GSN: variants seen among roughly 807,000 people sequenced by gnomAD.
The protein encoded by GSN is actin-depolymerizing factor.
In GSN, 56 loss-of-function variants were observed where a neutral mutation model predicts 85.7. That is an observed-to-expected ratio of 0.65 (90% CI 0.53 to 0.82). The LOEUF is 0.82. GSN is among the 40% of genes least tolerant of loss of function. The pLI is 0.00. For missense variants in GSN, 857 were observed against 979.8 expected (o/e 0.87, Z 1.67); for synonymous variants, 373 against 399.1 (o/e 0.93, Z 0.78).
rs146671396 is a variant in GSN, at chr9:121,253,303, G to C, written c.-341+4980G>C. ...GTGAGTAATGTTGTCAGATTTGTCA[G>C]ACAACTGCCATCCAGATTGTCCCTA... On this transcript the variant is annotated intron_variant, in intron 6 of 24. Transcript: ENST00000373823. Among the ~76,000 whole-genome samples the C allele has an allele frequency of 7.2e-5, 11 of 152,286 alleles. No individual in the cohort carries two copies. The East Asian group carries it at 2.1e-3, about 29-fold the overall frequency.
chr9:121,322,778 T>G (rs2062639743), intron 11 of GSN, among the ~76,000 whole-genome samples: 2 of 152,216 alleles, frequency 1.3e-5, no homozygotes, highest in African/African-American at 4.8e-5. Flanking sequence ...TATTTTTAAC[T>G]TGTATTTCTC....
intron 3 of GSN, 59 bp downstream of exon 3, chr9:121,302,226 T>TG (rs1262517979): frequency 1.9e-6 from 3 of 1,573,598 alleles, no homozygotes; most frequent in Non-Finnish European, 2.6e-6. Context: ...TGCAGACCTT[T>TG]GGGGCATGGT....
At chr9:121,262,272 A>G (rs749463942) in intron 6 of GSN, among the ~76,000 whole-genome samples, 8 of 152,186 alleles carry the variant, frequency 5.3e-5, no homozygotes, top group Non-Finnish European at 1.2e-4. Context: ...GGCTTTGGAG[A>G]CAGACCTGGA....
Position 121,318,932 on chromosome 9 carries a change from C to T in GSN, c.1191+52C>T. On this transcript the variant is annotated intron_variant, in intron 10 of 17. Transcript: ENST00000432226. The surrounding 1 kb of genome is among the most constrained non-coding windows in gnomAD (Gnocchi z 4.3). ...GTCCAGGCCCCTCCCTCACTTTCCC[C>T]ATGCACTGCCTCTTGCTTCCCCAAG... 1 of 1,356,908 alleles carries T rather than the reference C, an allele frequency of 7.4e-7. No individual in the cohort carries two copies. Among genetic ancestry groups the T allele is most frequent in the Non-Finnish European group, 1.1e-6 (1 of 947,694 alleles). 84.1% of individuals were successfully genotyped at this position (1,356,908 alleles called of 1,614,324 possible).
Position 121,313,945 on chromosome 9 carries a change from C to T in GSN, c.675C>T (p.Pro225=), listed in dbSNP as rs1188934199. The T allele has an allele frequency of 6.2e-7, 1 of 1,613,988 alleles. No homozygotes were observed. Among genetic ancestry groups the T allele is most frequent in the South Asian group, 1.1e-5 (1 of 91,084 alleles). ...TCTATCTCCTACAGGTGCTGGGCCC[C>T]AAGCCGGCTCTGCCTGCAGGTACCG... ...EPEAMLQVLG[P]KPALPAGTED... The change falls in exon 7 of 18, where the codon CCC becomes CCT. Residue 225 remains proline, a synonymous_variant. Transcript: ENST00000432226.
At chr9:121,276,468 A>G (rs775008938) in intron 1 of GSN, among the ~76,000 whole-genome samples, 12 of 152,322 alleles carry the variant, frequency 7.9e-5, no homozygotes, top group Admixed American at 3.3e-4. Flanking sequence ...CAAAGGACCG[A>G]ATGACTTGGC....
chr9:121,311,273 T>C (rs2061108056), intron 5 of GSN: 2 of 270,236 alleles, frequency 7.4e-6, no homozygotes, highest in Non-Finnish European at 1.4e-5. Flanking sequence ...CCATGATCTA[T>C]GGCAATGTGT....
At chr9:121,244,647 T>C (rs1442619934) in intron 5 of GSN, among the ~76,000 whole-genome samples, 1 of 152,256 alleles carries the variant, frequency 6.6e-6, no homozygotes, top group African/African-American at 2.4e-5. Context: ...ACTGCAGCTC[T>C]ATTTGTAATA....
intron 5 of GSN, among the ~76,000 whole-genome samples, chr9:121,233,189 G>A (rs918557678): frequency 5.3e-5 from 8 of 152,206 alleles, no homozygotes; most frequent in South Asian, 4.1e-4. Flanking sequence ...AGGCAAGCCA[G>A]GCGCGGTGGC....
rs115756419 is a variant in GSN at position 121,282,404 on chromosome 9, C to T, written c.-10+842C>T. The T allele has an allele frequency of 8.0e-6, 8 of 1,006,156 alleles. No individual in the cohort carries two copies. The African/African-American group carries it at 9.8e-5, about 12-fold the overall frequency. The allele number at this position is 1,006,156 out of a possible 1,614,324, so 62.3% of individuals were successfully genotyped here. On this transcript the variant is annotated intron_variant, in intron 2 of 17. Coordinates refer to ENST00000432226, the MANE Select transcript of GSN (RefSeq NM_198252.3). ...ATTGTGCAAGAACCCAGGAAAACAC[C>T]CCTCCAACCCACGCCATCCCTTTTC...
intron 2 of GSN, chr9:121,209,509 C>T (rs1201014886): frequency 6.6e-6 from 1 of 152,182 alleles, no homozygotes; most frequent in African/African-American, 2.4e-5. Flanking sequence ...CCCAAACTGA[C>T]AAGTCAGAAA....
intron 8 of GSN, chr9:121,317,487 TGGC>T: frequency 4.3e-6 from 2 of 464,660 alleles, no homozygotes; most frequent in Non-Finnish European, 8.0e-6. Context: ...AGAGGCTAAT[TGGC>T]ATCCTGTAGA....
intron 1 of GSN, chr9:121,207,951 G>GTGTGTGTGTGTA (rs2053910990): frequency 1.3e-5 from 2 of 150,730 alleles, no homozygotes; most frequent in Non-Finnish European, 2.9e-5. Flanking sequence ...GTGTGTGTGT[G>GTGTGTGTGTGTA]TGTGTGTGTA....
At chr9:121,271,966 T>C (rs1276587245) in intron 1 of GSN, among the ~76,000 whole-genome samples, 5 of 152,384 alleles carry the variant, frequency 3.3e-5, no homozygotes, top group Admixed American at 2.6e-4. Flanking sequence ...TCCTGCTCCT[T>C]GGTTATTCCC....
chr9:121,297,421 C>G (rs1265806841), intron 2 of GSN, among the ~76,000 whole-genome samples: 1 of 152,120 alleles, frequency 6.6e-6, no homozygotes, highest in South Asian at 2.1e-4. Flanking sequence ...GAAAAGTTCC[C>G]TCATGCCAAC....
chr9:121,322,999 C>T lies in GSN; in HGVS notation c.1326-1555C>T, dbSNP rs2062680011. 4.6e-5 allele frequency among the ~76,000 whole-genome samples: 7 copies of T among 152,004 alleles called. No homozygotes were observed. In the South Asian group the frequency reaches 1.5e-3, roughly 32 times the overall value. ...TGCCACTACTCACCACCACACCCGG[C>T]TACTTTTTATACTTTAGTATGGATG... On this transcript the variant is annotated intron_variant, in intron 11 of 17. Transcript: ENST00000432226.
chr9:121,258,744 A>G (rs2055020537), intron 6 of GSN, among the ~76,000 whole-genome samples: 1 of 151,798 alleles, frequency 6.6e-6, no homozygotes, highest in Admixed American at 6.6e-5. Context: ...TTTTCCCAGC[A>G]GCATAAGTGA....
chr9:121,277,848 C>T (rs1398015186), intron 1 of GSN, among the ~76,000 whole-genome samples: 1 of 152,110 alleles, frequency 6.6e-6, no homozygotes, highest in East Asian at 1.9e-4. Flanking sequence ...GGGGAGGCCC[C>T]AGTCTGTTTT....
intron 10 of GSN, 57 bp from the exon 11 acceptor site, chr9:121,321,211 C>T (rs1164733548): frequency 3.7e-6 from 6 of 1,602,326 alleles, no homozygotes; most frequent in Non-Finnish European, 4.3e-6. Flanking sequence ...TCCTGGCTTG[C>T]CTGAGCTGGG....
Sources: gnomAD v4.1 joint callset for allele counts (sites outside exome capture counted in the v4.1 genomes callset) on GRCh38, gnomAD v4.1.1 for gene constraint, Gnocchi (gnomAD v3.1) non-coding constraint, MANE v1.5 for transcripts, NCBI Gene and HGNC (gene_info 2026-07-23, HGNC 2026-07-21) for gene names.